FAM13B: variants seen among roughly 807,000 people sequenced by gnomAD.
FAM13B encodes the protein family with sequence similarity 13 member B.
FAM13B carries 60 observed loss-of-function variants against 117.3 expected under a neutral mutation model. The observed-to-expected ratio is 0.51, with a 90% CI of 0.42 to 0.63. The LOEUF (loss-of-function observed/expected upper bound fraction) is 0.63. Among genes scored for constraint, FAM13B ranks in the 30% least tolerant of loss-of-function variants. The pLI, the probability that FAM13B is intolerant of heterozygous loss-of-function variation, is 0.00. For missense variants in FAM13B, 972 were observed against 1,091.9 expected (o/e 0.89, Z 1.55); for synonymous variants, 332 against 356.1 (o/e 0.93, Z 0.76).
intron 10 of FAM13B, among the ~76,000 whole-genome samples, chr5:137,971,048 TCAA>T (rs1771961492): frequency 6.6e-6 from 1 of 151,762 alleles, no homozygotes. Flanking sequence ...ATTAGACAGA[TCAA>T]CGAGACAGAA....
Position 138,007,020 on chromosome 5 carries a change from A to G in FAM13B, c.818T>C (p.Ile273Thr), listed in dbSNP as rs756941667. The stretch of plus-strand genomic sequence containing the variant: ...TGCCGTAACACTATTTGATTCCAGG[A>G]TGTTTTCAGTCATCCTTAATTGTAC... ...EVVQLRMTEN[I>T]LESNSVTATS... The change falls in exon 7 of 24, where the codon ATC (isoleucine) becomes ACC (threonine). Residue 273 changes from isoleucine to threonine, a missense_variant. Physicochemically the swap from Ile to Thr is moderately conservative, Grantham distance 89. Coordinates refer to ENST00000689681, the MANE Select transcript of FAM13B (RefSeq NM_001385994.1). 6.2e-7 allele frequency: 1 copy of G among 1,610,466 alleles called. No individual in the cohort carries two copies. The highest frequency in any genetic ancestry group is 8.5e-7 in the Non-Finnish European group (1 of 1,179,186).
intron 1 of FAM13B, among the ~76,000 whole-genome samples, chr5:138,044,552 GA>G (rs34297403): frequency 0.068 from 7,336 of 108,044 alleles, 197 homozygotes; most frequent in Middle Eastern, 0.092. Flanking sequence ...ACTCCATCTC[GA>G]AAAAAAAAAA....
intron 1 of FAM13B, among the ~76,000 whole-genome samples, chr5:138,027,508 G>A (rs1788741481): frequency 6.6e-6 from 1 of 152,168 alleles, no homozygotes; most frequent in African/African-American, 2.4e-5. Flanking sequence ...ATTCACTGAA[G>A]CAAAAGGCAC....
Position 137,985,463 on chromosome 5 carries a change from T to C in FAM13B, c.1047-74A>G, listed in dbSNP as rs369548813. The C allele has an allele frequency of 4.2e-5, 58 of 1,380,864 alleles. 2 individuals carry two copies. In the South Asian group the frequency reaches 7.6e-4, roughly 18 times the overall value. The allele number at this position is 1,380,864 out of a possible 1,614,324, so 85.5% of individuals were successfully genotyped here. A position where few individuals can be genotyped will look rare whatever the true frequency, so the allele number is the denominator to read the frequency against. ...ATGCCTTTACTTTAAAATAAGTAAA[T>C]ATCAATAATGATCTGAAACTTTTAC... On this transcript the variant is annotated intron_variant, in intron 9 of 23. Coordinates refer to ENST00000689681, the MANE Select transcript of FAM13B (RefSeq NM_001385994.1).
At chr5:138,044,874 T>G (rs1409592348) in intron 1 of FAM13B, among the ~76,000 whole-genome samples, 1 of 152,200 alleles carries the variant, frequency 6.6e-6, no homozygotes, top group Non-Finnish European at 1.5e-5. Flanking sequence ...CCAACACATG[T>G]ATGAAAAATA....
intron 7 of FAM13B, among the ~76,000 whole-genome samples, chr5:137,990,835 TCTG>T (rs1469914517): frequency 6.6e-6 from 1 of 152,108 alleles, no homozygotes; most frequent in East Asian, 1.9e-4. Flanking sequence ...TATATATATT[TCTG>T]CTGATGTCAA....
intron 10 of FAM13B, among the ~76,000 whole-genome samples, chr5:137,973,006 T>C (rs954655018): frequency 3.3e-5 from 5 of 151,962 alleles, no homozygotes; most frequent in Admixed American, 1.3e-4. Flanking sequence ...GTAGGAAGAA[T>C]CGATATCATG....
rs923512335 is a variant in FAM13B, at chr5:137,994,176, T to C, written c.849-5861A>G. 2.6e-5 allele frequency among the ~76,000 whole-genome samples: 4 copies of C among 152,212 alleles called. No homozygotes were observed. The South Asian group carries it at 8.3e-4, about 32-fold the overall frequency. ...ATTATTACTGCAAGAGTAAAGATTCTTTAGCCCTGAAGAATATGCTGGGAC... is the reference window on the plus strand; with the variant it reads ...ATTATTACTGCAAGAGTAAAGATTCCTTAGCCCTGAAGAATATGCTGGGAC... On this transcript the variant is annotated intron_variant, in intron 7 of 23. Coordinates refer to ENST00000689681, the MANE Select transcript of FAM13B (RefSeq NM_001385994.1).
At position 137,960,876 on chromosome 5, in the gene FAM13B, C is replaced by A. The variant is rs188544069; in HGVS notation, c.1245-662G>T. On this transcript the variant is annotated intron_variant, in intron 11 of 23. Coordinates refer to ENST00000689681, the MANE Select transcript of FAM13B (RefSeq NM_001385994.1). ...ACCTATTTTACCAGTCAAGAGAGCA[C>A]CTGCTATTATACAGTAGATTATCAA... is the stretch of plus-strand genomic sequence containing the variant. Among the ~76,000 whole-genome samples the A allele has an allele frequency of 1.3e-3, 198 of 152,280 alleles. 1 individual carries two copies. Among genetic ancestry groups the A allele is most frequent in the African/African-American group, 4.6e-3 (192 of 41,556 alleles).
chr5:137,959,924 A>T lies in FAM13B; in HGVS notation c.1294-161T>A, dbSNP rs754347438. On this transcript the variant is annotated intron_variant, in intron 12 of 23. Transcript: ENST00000689681. ...GTGCAAACTATTTTCAAATATAAACATGCAGTTTTAGAATATGTCTTATTG... is the reference window on the plus strand; with the variant it reads ...GTGCAAACTATTTTCAAATATAAACTTGCAGTTTTAGAATATGTCTTATTG... Among the ~76,000 whole-genome samples the T allele has an allele frequency of 3.7e-4, 57 of 152,212 alleles. 1 individual carries two copies. The highest frequency in any genetic ancestry group is 2.6e-4 in the Admixed American group (4 of 15,274).
At chr5:137,947,846 A>G (rs939409991) in intron 18 of FAM13B, among the ~76,000 whole-genome samples, 16 of 152,136 alleles carry the variant, frequency 1.1e-4, no homozygotes, top group Non-Finnish European at 2.1e-4. Context: ...CGGCCTCCCA[A>G]AGTGCTGGGA....
Position 137,940,014 on chromosome 5 carries a change from T to C in FAM13B, c.*211A>G. 6.2e-7 allele frequency: 1 copy of C among 1,608,928 alleles called. No individual in the cohort carries two copies. On this transcript the variant is annotated 3_prime_UTR_variant, in exon 24 of 24. Transcript: ENST00000689681. ...TGTTTGCTAAAGGTGGAGAGGACAG[T>C]CTGTGGTTAATATGGAACATCACTT... is the stretch of plus-strand genomic sequence containing the variant.
intron 1 of FAM13B, 120 bp from the exon 2 acceptor site, chr5:138,021,317 T>C: frequency 2.5e-6 from 2 of 794,252 alleles, no homozygotes; most frequent in Non-Finnish European, 1.7e-6. Context: ...TATTCTTCTG[T>C]CTGAAAAATC....
chr5:137,973,836 CA>C (rs1773073490), intron 10 of FAM13B, among the ~76,000 whole-genome samples: 1 of 136,876 alleles, frequency 7.3e-6, no homozygotes, highest in Admixed American at 7.6e-5. Context: ...TTTATGCAGC[CA>C]AAAAACACAT....
At chr5:138,031,898 G>T (rs1222283256) in intron 1 of FAM13B, among the ~76,000 whole-genome samples, 1 of 152,116 alleles carries the variant, frequency 6.6e-6, no homozygotes, top group Non-Finnish European at 1.5e-5. Flanking sequence ...ACCCTTTAAT[G>T]TCTGTCTCTC....
At chr5:138,043,422 A>G (rs1208855558) in intron 1 of FAM13B, among the ~76,000 whole-genome samples, 1 of 149,522 alleles carries the variant, frequency 6.7e-6, no homozygotes, top group East Asian at 2.0e-4. Context: ...TTCGGGCATT[A>G]TTCTTTTTTT....
In FAM13B at chr5:137,979,162, G is replaced by A. The variant is rs1355273745; in HGVS notation, c.1179+6095C>T. ...CGAGTAGCTGGGATTACAAGCATGTGCCATCATGCCCCGCTAATTTTTGTA... is the reference window on the plus strand; with the variant it reads ...CGAGTAGCTGGGATTACAAGCATGTACCATCATGCCCCGCTAATTTTTGTA... On this transcript the variant is annotated intron_variant, in intron 10 of 23. Coordinates refer to ENST00000689681, the MANE Select transcript of FAM13B (RefSeq NM_001385994.1). Among the ~76,000 whole-genome samples, 4 of 151,978 alleles carry A rather than the reference G, an allele frequency of 2.6e-5. No individual in the cohort carries two copies. In the East Asian group the frequency reaches 7.7e-4, roughly 29 times the overall value.
At chr5:138,011,661 G>A (rs575695934) in intron 5 of FAM13B, 107 bp downstream of exon 5, 109 of 690,968 alleles carry the variant, frequency 1.6e-4, no homozygotes, top group African/African-American at 1.3e-3. Context: ...CTTGTGATCC[G>A]CCCGCATCAG....
At chr5:137,941,884 A>C in intron 23 of FAM13B, 60 bp downstream of exon 23, 1 of 1,349,138 alleles carries the variant, frequency 7.4e-7, no homozygotes, top group Non-Finnish European at 1.1e-6. Context: ...TTATTTCAAC[A>C]TATGGTCAGT....
Sources: gnomAD v4.1 joint callset for allele counts (sites outside exome capture counted in the v4.1 genomes callset) on GRCh38, gnomAD v4.1.1 for gene constraint, MANE v1.5 for transcripts, NCBI Gene and HGNC (gene_info 2026-07-23, HGNC 2026-07-21) for gene names.